The following NRG3 variants were observed in gnomAD, a reference collection of about 807,000 sequenced individuals.
NRG3 encodes pro-neuregulin-3, membrane-bound isoform.
Under a neutral mutation model 66.9 loss-of-function variants are expected in NRG3, and 31 were observed. The observed-to-expected ratio is 0.46, with a 90% confidence interval of 0.35 to 0.63. NRG3 has a LOEUF of 0.63. NRG3 is among the 20% of genes least tolerant of loss of function. NRG3 has a pLI of 0.00. For missense variants in NRG3, 910 were observed against 878.9 expected (o/e 1.04, Z -0.45); for synonymous variants, 393 against 359.4 (o/e 1.09, Z -1.06).
chr10:82,109,220 AT>A (rs1226417034), intron 1 of NRG3, among the ~76,000 whole-genome samples: 1 of 152,178 alleles, frequency 6.6e-6, no homozygotes, highest in Non-Finnish European at 1.5e-5. Flanking sequence ...AACATGGGAG[AT>A]TCCAGGCACA....
chr10:82,985,266 A>C lies in NRG3; in HGVS notation c.1752A>C (p.Glu584Asp). 1 of 1,614,160 alleles carries C rather than the reference A, an allele frequency of 6.2e-7. No individual in the cohort carries two copies. Among genetic ancestry groups the C allele is most frequent in the East Asian group, 2.2e-5 (1 of 44,880 alleles). Residue 584 changes from glutamate to aspartate, a missense_variant, in exon 9 of 9, where the codon GAA (glutamate) becomes GAC (aspartate). Physicochemically the swap from Glu to Asp is conservative, Grantham distance 45. Coordinates refer to ENST00000372141, the MANE Select transcript of NRG3 (RefSeq NM_001010848.4). Reference protein sequence around the residue: ...VPIIPSVGLEETCLQMPGISE... With the variant: ...VPIIPSVGLEDTCLQMPGISE... ...TCATCCCTTCAGTGGGTTTAGAGGA[A>C]ACCTGCCTGCAAATGCCAGGGATTT...
intron 1 of NRG3, among the ~76,000 whole-genome samples, chr10:82,314,575 G>C (rs1312306294): frequency 6.6e-6 from 1 of 152,100 alleles, no homozygotes; most frequent in Non-Finnish European, 1.5e-5. Context: ...TTGGGAGGCC[G>C]AGGCAGGTGG....
chr10:82,323,196 C>A (rs2081669673), intron 1 of NRG3, among the ~76,000 whole-genome samples: 1 of 152,180 alleles, frequency 6.6e-6, no homozygotes, highest in Non-Finnish European at 1.5e-5. Context: ...CCATTTAACA[C>A]TGTTCATCCA....
intron 2 of NRG3, among the ~76,000 whole-genome samples, chr10:82,478,010 A>G (rs1418788548): frequency 1.3e-5 from 2 of 152,276 alleles, no homozygotes; most frequent in Non-Finnish European, 2.9e-5. Flanking sequence ...TCCCCAATCA[A>G]ATCCCCTCTG....
At chr10:82,771,309 T>C (rs539787098) in intron 3 of NRG3, among the ~76,000 whole-genome samples, 1 of 152,266 alleles carries the variant, frequency 6.6e-6, no homozygotes, top group East Asian at 1.9e-4. Flanking sequence ...TTTTTAACGT[T>C]AAAAAATGAA....
intron 1 of NRG3, among the ~76,000 whole-genome samples, chr10:81,966,298 G>A (rs922167853): frequency 1.3e-5 from 2 of 149,924 alleles, no homozygotes; most frequent in African/African-American, 2.4e-5. Context: ...TTATATAAAT[G>A]TAATATGTGT....
intron 1 of NRG3, chr10:82,232,874 A>G (rs1589411552): frequency 1.4e-6 from 1 of 716,802 alleles, no homozygotes; most frequent in Middle Eastern, 2.3e-4. Context: ...GTAAGGCAGG[A>G]TAGGATGAAC....
intron 3 of NRG3, among the ~76,000 whole-genome samples, chr10:82,838,182 G>A (rs1219780011): frequency 3.9e-5 from 6 of 152,250 alleles, no homozygotes; most frequent in Non-Finnish European, 5.9e-5. Flanking sequence ...GTAAATGCAC[G>A]TGTTCTTGCT....
intron 1 of NRG3, among the ~76,000 whole-genome samples, chr10:82,244,039 T>A (rs2077124020): frequency 1.3e-5 from 2 of 152,220 alleles, no homozygotes. Context: ...AAAGAAGGTG[T>A]GCAGACAGTT....
At chr10:82,237,927 G>C (rs1263770102) in intron 1 of NRG3, among the ~76,000 whole-genome samples, 1 of 152,096 alleles carries the variant, frequency 6.6e-6, no homozygotes, top group Non-Finnish European at 1.5e-5. Context: ...TTGAGGTTTA[G>C]TGCACAGCAA....
At chr10:82,606,109 G>T (rs566696857) in intron 2 of NRG3, among the ~76,000 whole-genome samples, 1 of 151,884 alleles carries the variant, frequency 6.6e-6, no homozygotes, top group African/African-American at 2.4e-5. Flanking sequence ...GTTTCCTAAG[G>T]CATGATCTTA....
intron 1 of NRG3, among the ~76,000 whole-genome samples, chr10:82,243,489 T>C (rs1268239149): frequency 6.6e-6 from 1 of 152,112 alleles, no homozygotes; most frequent in Non-Finnish European, 1.5e-5. Context: ...TTCATAATAC[T>C]AGAGTTAAAG....
intron 3 of NRG3, among the ~76,000 whole-genome samples, chr10:82,758,618 G>A (rs1436766817): frequency 6.6e-6 from 1 of 152,062 alleles, no homozygotes; most frequent in African/African-American, 2.4e-5. Context: ...AAGAAATCTA[G>A]TGACTATAGA....
intron 2 of NRG3, among the ~76,000 whole-genome samples, chr10:82,408,089 A>G (rs57532341): frequency 0.064 from 3,423 of 53,204 alleles, 30 homozygotes; most frequent in Non-Finnish European, 0.077. Flanking sequence ...GAGAGACAGA[A>G]AGAAAGAAAG....
At chr10:82,382,604 A>G (rs1176585428) in intron 2 of NRG3, among the ~76,000 whole-genome samples, 1 of 151,934 alleles carries the variant, frequency 6.6e-6, no homozygotes, top group East Asian at 1.9e-4. Context: ...GACTTTTGTT[A>G]ATTTTTTAAA....
intron 1 of NRG3, among the ~76,000 whole-genome samples, chr10:81,926,098 A>G (rs1389476205): frequency 6.6e-6 from 1 of 152,074 alleles, no homozygotes; most frequent in African/African-American, 2.4e-5. Flanking sequence ...AGCAAGGGCC[A>G]TATTGCTACT....
chr10:82,860,173 A>G (rs1231077543), intron 3 of NRG3, among the ~76,000 whole-genome samples: 1 of 152,236 alleles, frequency 6.6e-6, no homozygotes, highest in Non-Finnish European at 1.5e-5. Flanking sequence ...ATGAAGAAAT[A>G]TTAATGATTT....
intron 2 of NRG3, among the ~76,000 whole-genome samples, chr10:82,453,276 C>T (rs1327285210): frequency 6.6e-6 from 1 of 152,032 alleles, no homozygotes; most frequent in African/African-American, 2.4e-5. Flanking sequence ...TAGAAGAGCG[C>T]TCAGGAGCTA....
rs535324340 is a variant in NRG3, at chr10:82,080,845, AC to A, written c.823+204683del. On this transcript the variant is annotated intron_variant, in intron 1 of 8. Transcript: ENST00000372141. ...AACATCACCACTATCTATACCCAAA[AC>A]TTTTTCATCATCAACAAAATCTCTA... is the stretch of plus-strand genomic sequence containing the variant. 7.6e-4 allele frequency among the ~76,000 whole-genome samples: 116 copies of A among 152,200 alleles called. No homozygotes were observed. In the Middle Eastern group the frequency reaches 0.014, roughly 18 times the overall value.
Sources: gnomAD v4.1 joint callset for allele counts (sites outside exome capture counted in the v4.1 genomes callset) on GRCh38, gnomAD v4.1.1 for gene constraint, MANE v1.5 for transcripts, NCBI Gene and HGNC (gene_info 2026-07-23, HGNC 2026-07-21) for gene names.